Variants in ADGRA1 observed in about 807,000 individuals in gnomAD.
The protein encoded by ADGRA1 is G-protein coupled receptor 123.
Under a neutral mutation model 21.3 loss-of-function variants are expected in ADGRA1, and 12 were observed. The observed-to-expected ratio is 0.56, with a 90% CI of 0.36 to 0.91. ADGRA1 has a LOEUF of 0.91. Ranked by LOEUF, ADGRA1 falls within the 40% of genes least tolerant of loss-of-function variation. The pLI is 0.01. For synonymous variants in ADGRA1, 385 were observed against 368.8 expected (o/e 1.04, Z -0.50); for missense variants, 790 against 805.6 (o/e 0.98, Z 0.23).
At chr10:133,098,297 G>A (rs982810165) in intron 3 of ADGRA1, among the ~76,000 whole-genome samples, 4 of 152,160 alleles carry the variant, frequency 2.6e-5, no homozygotes, top group African/African-American at 7.2e-5. Flanking sequence ...TGGGACCCAG[G>A]GGGTGCGGCC....
chr10:133,098,827 T>C (rs1851736642), intron 4 of ADGRA1, 64 bp downstream of exon 4: 3 of 1,549,774 alleles, frequency 1.9e-6, no homozygotes, highest in Middle Eastern at 1.7e-4. Context: ...TCGTCTTGTT[T>C]ACTAAATAAT....
chr10:133,111,687 A>C (rs71503777), intron 5 of ADGRA1, among the ~76,000 whole-genome samples: 7 of 1,510 alleles, frequency 4.6e-3, no homozygotes, highest in African/African-American at 0.018. Flanking sequence ...CCCGGGAACC[A>C]TCCCTCCTAA....
intron 5 of ADGRA1, among the ~76,000 whole-genome samples, chr10:133,106,661 G>A (rs1268592470): frequency 6.6e-6 from 1 of 152,274 alleles, no homozygotes; most frequent in African/African-American, 2.4e-5. Flanking sequence ...CCCGCATCGG[G>A]GGTACGGCAG....
In ADGRA1 at chr10:133,111,884, CCACCACAGACACCTCCCTCCTAA is replaced by C. The variant is rs1852024296; in HGVS notation, c.401+9043_401+9065del. On this transcript the variant is annotated intron_variant, in intron 5 of 6. Coordinates refer to ENST00000392607, the MANE Select transcript of ADGRA1 (RefSeq NM_001083909.3). ...CTCCTAATCCCTCCAGACCACCTGC[CCACCACAGACACCTCCCTCCTAA>C]TGCCTCCAGACCACCTGCCCGCCGT... 8.9e-5 allele frequency among the ~76,000 whole-genome samples: 11 copies of C among 123,704 alleles called. 1 individual carries two copies. The East Asian group carries it at 1.8e-3, about 20-fold the overall frequency. 81.2% of individuals were successfully genotyped at this position (123,704 alleles called of 152,430 possible).
intron 4 of ADGRA1, among the ~76,000 whole-genome samples, chr10:133,100,244 C>A (rs1432265478): frequency 6.6e-6 from 1 of 152,262 alleles, no homozygotes; most frequent in African/African-American, 2.4e-5. Context: ...TGGCTAAGGT[C>A]AGACGTACCT....
chr10:133,098,569 AG>A, intron 3 of ADGRA1, 70 bp from the exon 4 acceptor site: 3 of 1,542,934 alleles, frequency 1.9e-6, no homozygotes, highest in South Asian at 1.2e-5. Context: ...CCTGCGCCCC[AG>A]GGGGCTCCCT....
intron 5 of ADGRA1, 67 bp from the exon 6 acceptor site, chr10:133,127,166 G>A: frequency 1.9e-6 from 2 of 1,036,066 alleles, no homozygotes; most frequent in Non-Finnish European, 2.7e-6. Context: ...AGTGGGGGAG[G>A]GACAGCGCTG....
intron 5 of ADGRA1, among the ~76,000 whole-genome samples, chr10:133,105,929 A>G (rs1851886542): frequency 6.6e-6 from 1 of 152,316 alleles, no homozygotes; most frequent in East Asian, 1.9e-4. Context: ...TTACTAGGAC[A>G]ACCCAAGCCT....
intron 3 of ADGRA1, among the ~76,000 whole-genome samples, chr10:133,097,597 C>T (rs771514879): frequency 3.3e-5 from 5 of 152,184 alleles, no homozygotes; most frequent in Non-Finnish European, 7.3e-5. Context: ...TAGAGGCGCC[C>T]AGGGCCACAG....
At chr10:133,103,435 C>T (rs1313291190) in intron 5 of ADGRA1, among the ~76,000 whole-genome samples, 1 of 152,230 alleles carries the variant, frequency 6.6e-6, no homozygotes, top group Non-Finnish European at 1.5e-5. Flanking sequence ...CCCCCAGTGT[C>T]TCTGCTGTGT....
intron 5 of ADGRA1, among the ~76,000 whole-genome samples, chr10:133,124,225 G>A (rs547328337): frequency 3.2e-4 from 47 of 148,860 alleles, no homozygotes; most frequent in African/African-American, 1.0e-3. Flanking sequence ...CAACCTCCCC[G>A]GCCAAGCCAC....
chr10:133,130,655 C>A lies in ADGRA1; in HGVS notation c.*1144C>A, dbSNP rs2135916199. 1 of 152,304 alleles carries A rather than the reference C, an allele frequency of 6.6e-6. No homozygotes were observed. The highest frequency in any genetic ancestry group is 1.9e-4 in the East Asian group (1 of 5,174). The allele number at this position is 152,304 out of a possible 1,614,324, so 9.4% of individuals were successfully genotyped here. A position where few individuals can be genotyped will look rare whatever the true frequency, so the allele number is the denominator to read the frequency against. ...TGTGACACATGTGCACCCACACACA[C>A]ACACACAAACACATGTGCATATCAC... On this transcript the variant is annotated 3_prime_UTR_variant, in exon 7 of 7. Transcript: ENST00000392607.
chr10:133,103,747 CG>C (rs1851842373), intron 5 of ADGRA1, among the ~76,000 whole-genome samples: 1 of 152,206 alleles, frequency 6.6e-6, no homozygotes, highest in African/African-American at 2.4e-5. Flanking sequence ...GGTCTGGCCG[CG>C]GCCGTGACCA....
chr10:133,090,402 C>A (rs1478001608), intron 2 of ADGRA1, among the ~76,000 whole-genome samples: 1 of 152,190 alleles, frequency 6.6e-6, no homozygotes, highest in Non-Finnish European at 1.5e-5. Flanking sequence ...TGAGCTCGAT[C>A]TGCCTGGAGA....
chr10:133,089,283 C>A (rs371892288), intron 2 of ADGRA1, among the ~76,000 whole-genome samples: 112 of 152,292 alleles, frequency 7.4e-4, no homozygotes, highest in African/African-American at 2.4e-3. Context: ...CCCTGGTCAC[C>A]GGCCTCCTCC....
At chr10:133,112,350 AGTTATTTGGGGTCTGCGGGCCGTGTCG>A (rs1202773503) in intron 5 of ADGRA1, among the ~76,000 whole-genome samples, 1 of 130,992 alleles carries the variant, frequency 7.6e-6, no homozygotes, top group Non-Finnish European at 1.6e-5. Flanking sequence ...AGGCTGCGTC[AGTTATTTGGGGTCTGCGGGCCGTGTCG>A]GTTATTTGGG....
intron 5 of ADGRA1, among the ~76,000 whole-genome samples, chr10:133,122,412 A>T (rs7904992): frequency 6.6e-6 from 1 of 152,020 alleles, no homozygotes; most frequent in African/African-American, 2.4e-5. Context: ...GAGGGATCAC[A>T]GAGCCGGCAG....
rs1311707518 is a variant in ADGRA1, at chr10:133,112,021, ACCTCCCTCCTAATGCCTCCAGACC to A, written c.401+9180_401+9203del. 9.2e-4 allele frequency among the ~76,000 whole-genome samples: 117 copies of A among 127,168 alleles called. 18 individuals are homozygous for A. The highest frequency in any genetic ancestry group is 2.9e-3 in the African/African-American group (91 of 31,450). The allele number at this position is 127,168 out of a possible 152,430, so 83.4% of individuals were successfully genotyped here. A position where few individuals can be genotyped will look rare whatever the true frequency, so the allele number is the denominator to read the frequency against. On this transcript the variant is annotated intron_variant, in intron 5 of 6. Coordinates refer to ENST00000392607, the MANE Select transcript of ADGRA1 (RefSeq NM_001083909.3). ...TCCAGACCACCTGCCCACCACAGACACCTCCCTCCTAATGCCTCCAGACCACCTGCCTGCCATGGGCATCTCCCT... is the reference window on the plus strand; with the variant it reads ...TCCAGACCACCTGCCCACCACAGACAACCTGCCTGCCATGGGCATCTCCCT...
intron 5 of ADGRA1, among the ~76,000 whole-genome samples, chr10:133,111,492 A>T (rs66945758): frequency 6.1e-3 from 66 of 10,746 alleles, no homozygotes; most frequent in African/African-American, 9.4e-3. Context: ...TCCTAATCCC[A>T]CCAGACAACC....
Sources: allele counts gnomAD v4.1 joint callset (sites outside exome capture counted in the v4.1 genomes callset), GRCh38; gene constraint gnomAD v4.1.1; transcripts MANE v1.5; gene names NCBI Gene and HGNC (gene_info 2026-07-23, HGNC 2026-07-21).